CNTNAP2: variants seen among roughly 807,000 people sequenced by gnomAD.
CNTNAP2 encodes the protein contactin associated protein 2.
A neutral mutation model predicts 155.2 loss-of-function variants in CNTNAP2; 98 were observed. The observed-to-expected ratio is 0.63, with a 90% CI of 0.54 to 0.75. The LOEUF (loss-of-function observed/expected upper bound fraction) is 0.75. Ranked by LOEUF, CNTNAP2 falls within the 30% of genes least tolerant of loss-of-function variation. The pLI is 0.00. For synonymous variants in CNTNAP2, 651 were observed against 631.2 expected, an observed-to-expected ratio of 1.03 and a Z score of -0.47; for missense variants, 1,727 against 1,688.1, an observed-to-expected ratio of 1.02 and a Z score of -0.40.
chr7:146,950,006 A>G (rs1797275865), intron 3 of CNTNAP2, among the ~76,000 whole-genome samples: 1 of 152,194 alleles, frequency 6.6e-6, no homozygotes, highest in African/African-American at 2.4e-5. Flanking sequence ...GAAATGATTA[A>G]TATGATTCCA....
chr7:146,655,183 C>T (rs762507877), intron 1 of CNTNAP2, among the ~76,000 whole-genome samples: 4 of 151,822 alleles, frequency 2.6e-5, no homozygotes, highest in Non-Finnish European at 5.9e-5. Context: ...GAGGCTGAGG[C>T]AGGTGGATCA....
chr7:146,371,394 A>G (rs1222937805), intron 1 of CNTNAP2, among the ~76,000 whole-genome samples: 5 of 103,148 alleles, frequency 4.8e-5, no homozygotes, highest in Non-Finnish European at 7.1e-5. Flanking sequence ...TTTGAGATGG[A>G]GTCTCGCTCT....
chr7:147,643,807 A>G (rs984600775), intron 13 of CNTNAP2, among the ~76,000 whole-genome samples: 1 of 152,176 alleles, frequency 6.6e-6, no homozygotes, highest in African/African-American at 2.4e-5. Flanking sequence ...AATGATACTT[A>G]TGATAAAGAG....
At chr7:148,156,096 C>T (rs1805393119) in intron 17 of CNTNAP2, among the ~76,000 whole-genome samples, 1 of 152,202 alleles carries the variant, frequency 6.6e-6, no homozygotes, top group Non-Finnish European at 1.5e-5. Context: ...ATTATAAAGT[C>T]GCCATGGCAA....
intron 6 of CNTNAP2, among the ~76,000 whole-genome samples, chr7:147,123,462 G>A (rs1471606121): frequency 2.0e-5 from 3 of 152,232 alleles, no homozygotes; most frequent in Admixed American, 2.0e-4. Flanking sequence ...CAGTTTCATG[G>A]ACACTTTGAA....
At chr7:147,869,233 C>G (rs531798310) in intron 13 of CNTNAP2, among the ~76,000 whole-genome samples, 1 of 152,178 alleles carries the variant, frequency 6.6e-6, no homozygotes, top group African/African-American at 2.4e-5. Flanking sequence ...GTATATGACA[C>G]AGTGCATTAT....
chr7:147,530,020 G>A (rs1054856753), intron 11 of CNTNAP2, among the ~76,000 whole-genome samples: 7 of 152,146 alleles, frequency 4.6e-5, no homozygotes, highest in African/African-American at 9.7e-5. Flanking sequence ...TAATCGTGGG[G>A]ATTGTGATGA....
At chr7:146,164,554 G>A (rs113903947) in intron 1 of CNTNAP2, among the ~76,000 whole-genome samples, 10 of 152,250 alleles carry the variant, frequency 6.6e-5, no homozygotes, top group African/African-American at 1.9e-4. Flanking sequence ...TTCCTGAACA[G>A]CAACTTAATA....
chr7:146,562,241 T>G (rs1033816309), intron 1 of CNTNAP2, among the ~76,000 whole-genome samples: 1 of 152,150 alleles, frequency 6.6e-6, no homozygotes, highest in Non-Finnish European at 1.5e-5. Context: ...TAGATTTGTT[T>G]TAGATATGAG....
intron 13 of CNTNAP2, among the ~76,000 whole-genome samples, chr7:147,828,452 C>T (rs1798494659): frequency 6.6e-6 from 1 of 152,202 alleles, no homozygotes; most frequent in African/African-American, 2.4e-5. Flanking sequence ...GCACATTTCA[C>T]ATTTTAATTG....
At chr7:146,177,292 A>G (rs919407333) in intron 1 of CNTNAP2, among the ~76,000 whole-genome samples, 1 of 152,172 alleles carries the variant, frequency 6.6e-6, no homozygotes, top group Admixed American at 6.5e-5. Flanking sequence ...ATTCTGGGAT[A>G]ATGTTCAATT....
chr7:147,383,959 G>C (rs76496795), intron 9 of CNTNAP2, among the ~76,000 whole-genome samples: 4,509 of 152,134 alleles, frequency 0.03, 89 homozygotes, highest in Middle Eastern at 0.071. Flanking sequence ...GAAGAAATTA[G>C]TAGTTGAAGA....
At chr7:147,862,577 A>AC (rs1799154749) in intron 13 of CNTNAP2, among the ~76,000 whole-genome samples, 1 of 151,934 alleles carries the variant, frequency 6.6e-6, no homozygotes, top group Non-Finnish European at 1.5e-5. Context: ...TATAACTGGG[A>AC]CCCCTTACAT....
rs555873775 is a variant in CNTNAP2, at chr7:147,217,087, A to T, written c.1349-83054A>T. Among the ~76,000 whole-genome samples, 226 of 151,552 alleles carry T rather than the reference A, an allele frequency of 1.5e-3. 5 individuals are homozygous for T. In the Middle Eastern group the frequency reaches 0.024, roughly 16 times the overall value. On this transcript the variant is annotated intron_variant, in intron 8 of 23. Coordinates refer to ENST00000361727, the MANE Select transcript of CNTNAP2 (RefSeq NM_014141.6). ...GAGGATTTTTGTTGTTGTTGATTTTAAAAAAATTCTACATAGACTATCATG... is the reference window on the plus strand; with the variant it reads ...GAGGATTTTTGTTGTTGTTGATTTTTAAAAAATTCTACATAGACTATCATG...
intron 3 of CNTNAP2, among the ~76,000 whole-genome samples, chr7:146,928,917 T>G (rs1205658996): frequency 2.0e-5 from 3 of 152,068 alleles, no homozygotes; most frequent in Admixed American, 6.5e-5. Flanking sequence ...CTTGCTTAGG[T>G]AAACAAAGCA....
chr7:146,260,853 C>T (rs550696522), intron 1 of CNTNAP2, among the ~76,000 whole-genome samples: 7 of 152,234 alleles, frequency 4.6e-5, no homozygotes, highest in East Asian at 3.9e-4. Flanking sequence ...TGACTGGTTT[C>T]GAAGTGTGAA....
intron 1 of CNTNAP2, among the ~76,000 whole-genome samples, chr7:146,176,764 G>A (rs544080215): frequency 4.6e-5 from 7 of 152,240 alleles, no homozygotes; most frequent in Admixed American, 3.9e-4. Flanking sequence ...TAATGTGTAA[G>A]CAAATTTGCC....
intron 2 of CNTNAP2, among the ~76,000 whole-genome samples, chr7:146,824,253 TA>T (rs1319571132): frequency 1.3e-5 from 2 of 152,188 alleles, no homozygotes; most frequent in Non-Finnish European, 2.9e-5. Context: ...TCCAAAAATG[TA>T]TATGTGACAC....
intron 8 of CNTNAP2, among the ~76,000 whole-genome samples, chr7:147,233,542 A>G (rs1337430751): frequency 6.6e-6 from 1 of 151,730 alleles, no homozygotes; most frequent in Non-Finnish European, 1.5e-5. Flanking sequence ...ATTATATTAA[A>G]GTATTGTGGT....
Sources: allele counts gnomAD v4.1 joint callset (sites outside exome capture counted in the v4.1 genomes callset), GRCh38; gene constraint gnomAD v4.1.1; transcripts MANE v1.5; gene names NCBI Gene and HGNC (gene_info 2026-07-23, HGNC 2026-07-21).